RAPGEF5: variants seen among roughly 807,000 people sequenced by gnomAD.
The protein encoded by RAPGEF5 is M-Ras-regulated GEF.
RAPGEF5 carries 65 observed loss-of-function variants against 125.2 expected under a neutral mutation model. The ratio of observed to expected loss-of-function variants is 0.52; its 90% CI spans 0.43 to 0.64. The LOEUF (loss-of-function observed/expected upper bound fraction) is 0.64, where lower values mean the gene tolerates loss of function less well. Among genes scored for constraint, RAPGEF5 ranks in the 30% least tolerant of loss-of-function variants. The pLI is 0.00. For synonymous variants in RAPGEF5, 391 were observed against 385.9 expected, an observed-to-expected ratio of 1.01 and a Z score of -0.16; for missense variants, 958 against 1,048.1, an observed-to-expected ratio of 0.91 and a Z score of 1.19.
chr7:22,191,616 C>T (rs1178593422), intron 11 of RAPGEF5: 5 of 470,806 alleles, frequency 1.1e-5, no homozygotes, highest in South Asian at 7.7e-5. Context: ...GCAGAAGTGA[C>T]ACATGTGATC....
At position 22,291,243 on chromosome 7, in the gene RAPGEF5, TAAA is replaced by T. The variant is rs367948789; in HGVS notation, c.681-5_681-3del. On this transcript the variant is annotated splice_polypyrimidine_tract_variant and splice_region_variant and intron_variant, in intron 5 of 25. Coordinates refer to ENST00000665637, the MANE Select transcript of RAPGEF5 (RefSeq NM_012294.5). Reference sequence around the variant, plus strand: ...GAGTCTTCAATTTTCTGATGAGACCTAAAAAAAAAAAAAAGAACAAATTACTTT... The same window carrying T: ...GAGTCTTCAATTTTCTGATGAGACCTAAAAAAAAAAAGAACAAATTACTTT... The T allele has an allele frequency of 1.8e-4, 258 of 1,398,472 alleles. No individual in the cohort carries two copies. Among genetic ancestry groups the T allele is most frequent in the South Asian group, 6.3e-4 (45 of 71,176 alleles). The allele number at this position is 1,398,472 out of a possible 1,614,324, so 86.6% of individuals were successfully genotyped here.
intron 18 of RAPGEF5, among the ~76,000 whole-genome samples, chr7:22,147,766 T>G (rs1177968694): frequency 6.6e-6 from 1 of 152,230 alleles, no homozygotes; most frequent in Non-Finnish European, 1.5e-5. Context: ...GTTGATGTTT[T>G]CTAATGAAAA....
chr7:22,314,773 T>A, intron 3 of RAPGEF5: 1 of 334,768 alleles, frequency 3.0e-6, no homozygotes, highest in Non-Finnish European at 4.2e-6. Flanking sequence ...GTTTTTTCTT[T>A]AAATTGTTCC....
intron 7 of RAPGEF5, among the ~76,000 whole-genome samples, chr7:22,236,720 G>A (rs750071653): frequency 3.3e-5 from 5 of 152,054 alleles, no homozygotes; most frequent in Non-Finnish European, 5.9e-5. Context: ...CACAATTGCC[G>A]GAGTTCCATC....
At chr7:22,257,083 C>G (rs4722118) in intron 7 of RAPGEF5, among the ~76,000 whole-genome samples, 54,794 of 151,990 alleles carry the variant, frequency 0.36, 10,486 homozygotes, top group East Asian at 0.73. Context: ...CATTAATGCT[C>G]ATTTTAATAA....
chr7:22,284,554 G>C (rs1782753075), intron 6 of RAPGEF5, among the ~76,000 whole-genome samples: 1 of 152,224 alleles, frequency 6.6e-6, no homozygotes, highest in African/African-American at 2.4e-5. Context: ...TCATATAGTA[G>C]CTCTTAAGCC....
chr7:22,312,269 T>C (rs1447789987), intron 3 of RAPGEF5, among the ~76,000 whole-genome samples: 2 of 151,824 alleles, frequency 1.3e-5, no homozygotes, highest in African/African-American at 4.8e-5. Flanking sequence ...AGTGCAATAG[T>C]GCGATCTCGG....
chr7:22,204,113 C>A (rs1470831619), intron 9 of RAPGEF5, among the ~76,000 whole-genome samples: 1 of 152,142 alleles, frequency 6.6e-6, no homozygotes, highest in Non-Finnish European at 1.5e-5. Context: ...TACAACTGAA[C>A]AACAAGAGGA....
At chr7:22,157,820 A>G in intron 15 of RAPGEF5, 35 bp downstream of exon 15, 1 of 1,593,124 alleles carries the variant, frequency 6.3e-7, no homozygotes, top group Non-Finnish European at 8.6e-7. Context: ...TCCAAACCGG[A>G]TCACCTAATT....
intron 7 of RAPGEF5, among the ~76,000 whole-genome samples, chr7:22,236,420 A>G (rs529328016): frequency 1.3e-5 from 2 of 152,302 alleles, no homozygotes; most frequent in African/African-American, 4.8e-5. Flanking sequence ...TAGTGGCACA[A>G]TCTGCACCTC....
rs891587826 is a variant in RAPGEF5, at chr7:22,133,017, G to T, written c.2417-1916C>A. 2.6e-5 allele frequency among the ~76,000 whole-genome samples: 4 copies of T among 152,198 alleles called. 1 individual carries two copies. In the East Asian group the frequency reaches 7.7e-4, roughly 29 times the overall value. ...AGGACTTGGCTTTTCTTGCTATCAGGTGCAGTCAACCTGCTCAATTTATAA... is the reference window on the plus strand; with the variant it reads ...AGGACTTGGCTTTTCTTGCTATCAGTTGCAGTCAACCTGCTCAATTTATAA... On this transcript the variant is annotated intron_variant, in intron 23 of 25. Transcript: ENST00000665637.
intron 11 of RAPGEF5, among the ~76,000 whole-genome samples, chr7:22,179,192 GATTT>G (rs2128120814): frequency 6.6e-6 from 1 of 152,140 alleles, no homozygotes; most frequent in East Asian, 1.9e-4. Flanking sequence ...TATAAGAGTA[GATTT>G]ATTAATTTGT....
intron 2 of RAPGEF5, among the ~76,000 whole-genome samples, chr7:22,316,485 A>T (rs201716789): frequency 0.11 from 3,236 of 28,854 alleles, 118 homozygotes; most frequent in East Asian, 0.36. Context: ...ATATATATAT[A>T]TATATTTTTT....
intron 1 of RAPGEF5, among the ~76,000 whole-genome samples, chr7:22,320,669 G>A (rs1783697843): frequency 6.6e-6 from 1 of 151,952 alleles, no homozygotes; most frequent in African/African-American, 2.4e-5. Flanking sequence ...TTTCCTCTCA[G>A]CATCCCAGGG....
Position 22,291,248 on chromosome 7 carries a change from A to T in RAPGEF5, c.681-7T>A. On this transcript the variant is annotated splice_polypyrimidine_tract_variant and splice_region_variant and intron_variant, in intron 5 of 25. Transcript: ENST00000665637. Reference sequence around the variant, plus strand: ...TTCAATTTTCTGATGAGACCTAAAAAAAAAAAAAAGAACAAATTACTTTTC... The same window carrying T: ...TTCAATTTTCTGATGAGACCTAAAATAAAAAAAAAGAACAAATTACTTTTC... 1 of 1,526,832 alleles carries T rather than the reference A, an allele frequency of 6.5e-7. No homozygotes were observed. The highest frequency in any genetic ancestry group is 8.8e-7 in the Non-Finnish European group (1 of 1,142,554). 94.6% of individuals were successfully genotyped at this position (1,526,832 alleles called of 1,614,324 possible). A position where few individuals can be genotyped will look rare whatever the true frequency, so the allele number is the denominator to read the frequency against.
intron 6 of RAPGEF5, among the ~76,000 whole-genome samples, chr7:22,270,237 C>T (rs998388969): frequency 6.6e-6 from 1 of 152,202 alleles, no homozygotes; most frequent in South Asian, 2.1e-4. Context: ...CTTCTCAGGG[C>T]TGCTCTCTGG....
chr7:22,193,011 C>T (rs117365536), intron 11 of RAPGEF5: 4,204 of 299,052 alleles, frequency 0.014, 45 homozygotes, highest in Non-Finnish European at 0.019. Flanking sequence ...GCCAGGTGAA[C>T]GCCTGCTAAC....
At chr7:22,177,100 A>G (rs1784532522) in intron 11 of RAPGEF5, among the ~76,000 whole-genome samples, 1 of 152,190 alleles carries the variant, frequency 6.6e-6, no homozygotes, top group South Asian at 2.1e-4. Flanking sequence ...TTGGTCAGCA[A>G]CCATTTACTG....
intron 8 of RAPGEF5, among the ~76,000 whole-genome samples, chr7:22,221,561 T>C (rs6949906): frequency 0.021 from 3,270 of 152,192 alleles, 108 homozygotes; most frequent in African/African-American, 0.075. Context: ...AGGAACCAGG[T>C]AGAGGTAATT....
Sources: gnomAD v4.1 joint callset for allele counts (sites outside exome capture counted in the v4.1 genomes callset) on GRCh38, gnomAD v4.1.1 for gene constraint, MANE v1.5 for transcripts, NCBI Gene and HGNC (gene_info 2026-07-23, HGNC 2026-07-21) for gene names.